Variants in UQCC1 observed in about 807,000 individuals in gnomAD.
The protein encoded by UQCC1 is ubiquinol-cytochrome c reductase complex assembly factor 1, also known as bFGF-repressed Zic-binding protein.
Under a neutral mutation model 48.0 loss-of-function variants are expected in UQCC1, and 38 were observed. The ratio of observed to expected loss-of-function variants is 0.79; its 90% CI spans 0.61 to 1.04. The LOEUF is 1.04. UQCC1 is among the 50% of genes least tolerant of loss of function. UQCC1 has a pLI of 0.00. For missense variants in UQCC1, 368 were observed against 381.8 expected (o/e 0.96, Z 0.30); for synonymous variants, 111 against 129.2 (o/e 0.86, Z 0.95).
At chr20:35,321,452 A>T (rs1299221319) in intron 7 of UQCC1, among the ~76,000 whole-genome samples, 1 of 152,230 alleles carries the variant, frequency 6.6e-6, no homozygotes, top group Non-Finnish European at 1.5e-5. Flanking sequence ...GTTGCGATGA[A>T]AGGCCAACCT....
At chr20:35,331,166 G>T (rs1189054813) in intron 7 of UQCC1, among the ~76,000 whole-genome samples, 2 of 152,070 alleles carry the variant, frequency 1.3e-5, no homozygotes, top group African/African-American at 4.8e-5. Context: ...GCGCTTAACA[G>T]GAATCATCTC....
intron 1 of UQCC1, among the ~76,000 whole-genome samples, chr20:35,403,062 C>T (rs1471608366): frequency 2.9e-5 from 3 of 103,830 alleles, no homozygotes; most frequent in East Asian, 8.0e-4. Context: ...AGCGAGACTT[C>T]GTCTCAAAAA....
chr20:35,323,731 T>A (rs931716520), intron 7 of UQCC1, among the ~76,000 whole-genome samples: 10 of 152,216 alleles, frequency 6.6e-5, no homozygotes, highest in Admixed American at 5.9e-4. Context: ...GCCTCCATCA[T>A]CTGCCTCAAT....
At chr20:35,362,667 T>C (rs1360376354) in intron 6 of UQCC1, among the ~76,000 whole-genome samples, 1 of 152,142 alleles carries the variant, frequency 6.6e-6, no homozygotes, top group Non-Finnish European at 1.5e-5. Flanking sequence ...CCAAAACTTG[T>C]ATTTTATTCT....
chr20:35,408,905 C>T (rs1029998389), intron 1 of UQCC1, among the ~76,000 whole-genome samples: 1 of 151,762 alleles, frequency 6.6e-6, no homozygotes, highest in African/African-American at 2.4e-5. Flanking sequence ...ATGGATGAAT[C>T]TTGAGGACAT....
At chr20:35,318,671 T>A (rs1338076105) in intron 7 of UQCC1, among the ~76,000 whole-genome samples, 1 of 152,070 alleles carries the variant, frequency 6.6e-6, no homozygotes, top group African/African-American at 2.4e-5. Flanking sequence ...CCAGGCTGGA[T>A]TAGATCATGA....
intron 6 of UQCC1, among the ~76,000 whole-genome samples, chr20:35,348,047 C>T (rs925476255): frequency 6.6e-6 from 1 of 152,138 alleles, no homozygotes; most frequent in African/African-American, 2.4e-5. Context: ...AATTGTTTCC[C>T]CCACTAGAAG....
At chr20:35,330,770 C>G (rs1305121927) in intron 7 of UQCC1, among the ~76,000 whole-genome samples, 1 of 151,750 alleles carries the variant, frequency 6.6e-6, no homozygotes, top group Non-Finnish European at 1.5e-5. Context: ...GAAATTCTAC[C>G]CTGGGCTGGA....
intron 7 of UQCC1, among the ~76,000 whole-genome samples, chr20:35,315,951 A>G (rs546314496): frequency 5.9e-5 from 9 of 152,312 alleles, no homozygotes; most frequent in Admixed American, 5.2e-4. Context: ...AGAGCCCAGT[A>G]GAACTCCTCT....
intron 5 of UQCC1, among the ~76,000 whole-genome samples, chr20:35,368,685 G>A (rs1156472058): frequency 6.6e-6 from 1 of 152,148 alleles, no homozygotes; most frequent in East Asian, 1.9e-4. Context: ...ACTAAGTAAC[G>A]TGTGGGCAGC....
At chr20:35,374,607 T>G (rs1001740690) in intron 4 of UQCC1, among the ~76,000 whole-genome samples, 11 of 152,176 alleles carry the variant, frequency 7.2e-5, no homozygotes, top group Non-Finnish European at 1.3e-4. Flanking sequence ...AAATCCTTTA[T>G]AGTAAAAAAG....
chr20:35,395,979 TC>T (rs1297489658), intron 1 of UQCC1, among the ~76,000 whole-genome samples: 20 of 128,106 alleles, frequency 1.6e-4, no homozygotes, highest in Non-Finnish European at 6.9e-5. Flanking sequence ...GTTTGCAATG[TC>T]TTTTTTTTTT....
chr20:35,403,925 C>T (rs1264998287), intron 1 of UQCC1, among the ~76,000 whole-genome samples: 11 of 151,708 alleles, frequency 7.3e-5, no homozygotes, highest in South Asian at 2.1e-4. Flanking sequence ...GTGGGGGGAG[C>T]GGGGAGGGAT....
chr20:35,319,936 G>A (rs2061104099), intron 7 of UQCC1, among the ~76,000 whole-genome samples: 1 of 152,202 alleles, frequency 6.6e-6, no homozygotes, highest in African/African-American at 2.4e-5. Context: ...GGGAGATCAA[G>A]TTTTAACTCC....
chr20:35,366,028 T>C (rs1430883881), intron 6 of UQCC1, among the ~76,000 whole-genome samples: 1 of 152,248 alleles, frequency 6.6e-6, no homozygotes, highest in East Asian at 1.9e-4. Flanking sequence ...TTGATTTTTT[T>C]TGGCTACTTA....
chr20:35,325,163 G>T (rs2061178356), intron 7 of UQCC1, among the ~76,000 whole-genome samples: 1 of 152,168 alleles, frequency 6.6e-6, no homozygotes, highest in African/African-American at 2.4e-5. Context: ...ACAGAAAGAA[G>T]AATAGTCTAC....
At position 35,394,074 on chromosome 20, in the gene UQCC1, A is replaced by C; in HGVS notation, c.129+18T>G. 6.2e-7 allele frequency: 1 copy of C among 1,606,660 alleles called. No homozygotes were observed. Among genetic ancestry groups the C allele is most frequent in the Non-Finnish European group, 8.5e-7 (1 of 1,173,338 alleles). The stretch of plus-strand genomic sequence containing the variant: ...ACACTAAGGTTTTCATACTAAGCAA[A>C]AGAACAACAAATCTTACCTGGGAAG... On this transcript the variant is annotated intron_variant, in intron 2 of 9. Coordinates refer to ENST00000374385, the MANE Select transcript of UQCC1 (RefSeq NM_018244.5).
chr20:35,365,655 T>TAAAAA (rs34840052), intron 6 of UQCC1, among the ~76,000 whole-genome samples: 1 of 119,066 alleles, frequency 8.4e-6, no homozygotes, highest in African/African-American at 3.3e-5. Flanking sequence ...AGACTATGTC[T>TAAAAA]AAAAAAAAAA....
chr20:35,401,709 T>C (rs2146534455), intron 1 of UQCC1, among the ~76,000 whole-genome samples: 1 of 144,550 alleles, frequency 6.9e-6, no homozygotes, highest in Admixed American at 7.4e-5. Context: ...TTGCCCAGAC[T>C]GGAGTGCAAT....
Sources: gnomAD v4.1 joint callset for allele counts (sites outside exome capture counted in the v4.1 genomes callset) on GRCh38, gnomAD v4.1.1 for gene constraint, MANE v1.5 for transcripts, NCBI Gene and HGNC (gene_info 2026-07-23, HGNC 2026-07-21) for gene names.